Variants in KL observed in about 807,000 individuals in gnomAD.
The protein encoded by KL is klotho.
Under a neutral mutation model 84.2 loss-of-function variants are expected in KL, and 62 were observed. The observed-to-expected ratio is 0.74, with a 90% CI of 0.60 to 0.91. The LOEUF is 0.91. Ranked by LOEUF, KL falls within the 40% of genes least tolerant of loss-of-function variation. The pLI is 0.00. For missense variants in KL, 1,261 were observed against 1,305.7 expected (o/e 0.97, Z 0.53); for synonymous variants, 528 against 528.0 (o/e 1.00, Z 0.00).
chr13:33,034,565 T>C (rs918908147), intron 1 of KL, among the ~76,000 whole-genome samples: 3 of 152,038 alleles, frequency 2.0e-5, no homozygotes, highest in African/African-American at 7.3e-5. Context: ...ATAAAATGTA[T>C]CTCCTCTCCG....
intron 3 of KL, among the ~76,000 whole-genome samples, chr13:33,055,793 A>G (rs1425032586): frequency 6.6e-6 from 1 of 152,238 alleles, no homozygotes; most frequent in African/African-American, 2.4e-5. Flanking sequence ...CCTAGATCCA[A>G]TGATTCACTG....
At chr13:33,035,402 T>C (rs1871119505) in intron 1 of KL, among the ~76,000 whole-genome samples, 6 of 152,172 alleles carry the variant, frequency 3.9e-5, no homozygotes, top group Admixed American at 3.9e-4. Context: ...GTGACCATTA[T>C]AGAGGAAAAA....
chr13:33,053,207 G>C (rs1280262850), intron 1 of KL, among the ~76,000 whole-genome samples: 1 of 152,072 alleles, frequency 6.6e-6, no homozygotes, highest in Non-Finnish European at 1.5e-5. Context: ...TGCTGGAGTG[G>C]GTTCTTTAAT....
chr13:33,051,581 T>G (rs1159692321), intron 1 of KL, among the ~76,000 whole-genome samples: 1 of 152,160 alleles, frequency 6.6e-6, no homozygotes, highest in Non-Finnish European at 1.5e-5. Flanking sequence ...TTATCTGCCA[T>G]CAGAGACCAT....
At chr13:33,036,918 G>A (rs1459349798) in intron 1 of KL, among the ~76,000 whole-genome samples, 1 of 152,114 alleles carries the variant, frequency 6.6e-6, no homozygotes, top group East Asian at 1.9e-4. Flanking sequence ...ATAATTTCAT[G>A]TGATTTCTAA....
intron 1 of KL, among the ~76,000 whole-genome samples, chr13:33,035,511 C>A (rs1476303859): frequency 6.6e-6 from 1 of 152,140 alleles, no homozygotes; most frequent in African/African-American, 2.4e-5. Flanking sequence ...CTGAAAAAAT[C>A]CTATTTGACT....
intron 1 of KL, among the ~76,000 whole-genome samples, chr13:33,049,430 A>C (rs540829640): frequency 1.3e-5 from 2 of 152,330 alleles, no homozygotes; most frequent in South Asian, 4.1e-4. Flanking sequence ...CACTTAAATA[A>C]ATGCAATAAT....
chr13:33,023,916 GGACGAACT>G (rs1870663391), intron 1 of KL, among the ~76,000 whole-genome samples: 1 of 152,164 alleles, frequency 6.6e-6, no homozygotes, highest in South Asian at 2.1e-4. Context: ...CTTCTCTCCA[GGACGAACT>G]CCTTACAGTG....
rs1872205741 is a variant in KL at position 33,061,609 on chromosome 13, C to T, written c.2530C>T (p.Gln844Ter). 1.2e-6 allele frequency: 2 copies of T among 1,614,074 alleles called. No homozygotes were observed. Among genetic ancestry groups the T allele is most frequent in the East Asian group, 4.5e-5 (2 of 44,900 alleles). The stretch of plus-strand genomic sequence containing the variant: ...CATCACGTGGCTCAACTCCCCCAGT[C>T]AGGTGGCGGTAGTGCCCTGGGGGTT... ...TDITWLNSPS[Q>*]VAVVPWGLRK... Residue 844 changes from glutamine (Q) to a stop codon, truncating the protein, a stop_gained, in exon 4 of 5, where the codon CAG becomes TAG. Coordinates refer to ENST00000380099, the MANE Select transcript of KL (RefSeq NM_004795.4). LOFTEE classifies it high-confidence loss of function.
chr13:33,048,821 G>A (rs561681950), intron 1 of KL, among the ~76,000 whole-genome samples: 1 of 152,182 alleles, frequency 6.6e-6, no homozygotes. Flanking sequence ...TTCTGTGGGG[G>A]ATACGTATAG....
chr13:33,060,695 C>T lies in KL; in HGVS notation c.1616C>T (p.Ser539Phe). 1 of 1,614,206 alleles carries T rather than the reference C, an allele frequency of 6.2e-7. No homozygotes were observed. Among genetic ancestry groups the T allele is most frequent in the African/African-American group, 1.3e-5 (1 of 75,050 alleles). ...DNYIQVDTTLSQFTDLNVYLW... is the reference protein window; with the variant it reads ...DNYIQVDTTLFQFTDLNVYLW... ...CCTTCACAGGTAGATACCACTCTGT[C>T]TCAGTTTACCGACCTGAATGTTTAC... Residue 539 changes from serine to phenylalanine, a missense_variant, in exon 4 of 5, where the codon TCT (serine) becomes TTT (phenylalanine). Transcript: ENST00000380099.
At position 33,017,190 on chromosome 13, in the gene KL, C is replaced by A; in HGVS notation, c.750C>A (p.Thr250=). ...PYVVAWHGYA[T]GRLAPGIRGS... ...TGGTGGCCTGGCACGGCTACGCCAC[C>A]GGGCGCCTGGCCCCCGGCATCCGGG... Residue 250 remains threonine (T), a synonymous_variant, in exon 1 of 5, where the codon ACC becomes ACA. Transcript: ENST00000380099. 1 of 1,598,206 alleles carries A rather than the reference C, an allele frequency of 6.3e-7. No homozygotes were observed. The highest frequency in any genetic ancestry group is 8.5e-7 in the Non-Finnish European group (1 of 1,179,196).
At chr13:33,032,577 A>G in intron 1 of KL, among the ~76,000 whole-genome samples, 1 of 151,904 alleles carries the variant, frequency 6.6e-6, no homozygotes, top group African/African-American at 2.4e-5. Flanking sequence ...AGTGGTATGG[A>G]CTTCTTTTCT....
At position 33,061,552 on chromosome 13, in the gene KL, A is replaced by C; in HGVS notation, c.2473A>C (p.Asn825His). 6.2e-7 allele frequency: 1 copy of C among 1,614,210 alleles called. No individual in the cohort carries two copies. Among genetic ancestry groups the C allele is most frequent in the Non-Finnish European group, 8.5e-7 (1 of 1,180,042 alleles). The change falls in exon 4 of 5, where the codon AAT (asparagine) becomes CAT (histidine). Residue 825 changes from asparagine (N) to histidine (H), a missense_variant. Coordinates refer to ENST00000380099, the MANE Select transcript of KL (RefSeq NM_004795.4). ...AGAAAAAGAAGATCCAATAAAATAC[A>C]ATGATTACCTAGAAGTGCAAGAAAT... ...DSEKEDPIKY[N>H]DYLEVQEMTD...
At chr13:33,045,715 A>T (rs612723) in intron 1 of KL, among the ~76,000 whole-genome samples, 9,337 of 152,008 alleles carry the variant, frequency 0.061, 322 homozygotes, top group Non-Finnish European at 0.082. Flanking sequence ...CTGACCTCAG[A>T]TGATCCGCCC....
intron 1 of KL, among the ~76,000 whole-genome samples, chr13:33,050,890 C>A (rs907729708): frequency 4.6e-5 from 7 of 152,230 alleles, no homozygotes; most frequent in Non-Finnish European, 8.8e-5. Context: ...CAATAGATGT[C>A]ATTCCCACTT....
At chr13:33,062,952 A>AG (rs530202249) in intron 4 of KL, among the ~76,000 whole-genome samples, 2 of 151,952 alleles carry the variant, frequency 1.3e-5, no homozygotes, top group Admixed American at 1.3e-4. Context: ...AGTGATTGGC[A>AG]GGGGGGGAAA....
intron 3 of KL, among the ~76,000 whole-genome samples, chr13:33,058,081 TGA>T (rs1872031702): frequency 6.6e-6 from 1 of 152,212 alleles, no homozygotes; most frequent in African/African-American, 2.4e-5. Context: ...CTTTCTCGGC[TGA>T]GAGGTTTGTT....
intron 1 of KL, among the ~76,000 whole-genome samples, chr13:33,042,000 C>T (rs1006223311): frequency 1.4e-4 from 21 of 152,056 alleles, no homozygotes; most frequent in Non-Finnish European, 2.9e-4. Context: ...TTTTGAATCC[C>T]CTAGAAAAGT....
Sources: allele counts gnomAD v4.1 joint callset (sites outside exome capture counted in the v4.1 genomes callset), GRCh38; gene constraint gnomAD v4.1.1; transcripts MANE v1.5; gene names NCBI Gene and HGNC (gene_info 2026-07-23, HGNC 2026-07-21).